Variants in SORL1 observed in about 807,000 individuals in gnomAD.
SORL1 encodes sortilin-related receptor.
SORL1 carries 127 observed loss-of-function variants against 273.7 expected under a neutral mutation model. The ratio of observed to expected loss-of-function variants is 0.46; its 90% CI spans 0.40 to 0.54. The LOEUF (loss-of-function observed/expected upper bound fraction) is 0.54. Ranked by LOEUF, SORL1 falls within the 20% of genes least tolerant of loss-of-function variation. The pLI is 0.00. For missense variants in SORL1, 2,494 were observed against 2,846.1 expected, an observed-to-expected ratio of 0.88 and a Z score of 2.81; for synonymous variants, 1,031 against 1,067.4, an observed-to-expected ratio of 0.97 and a Z score of 0.66.
chr11:121,527,063 A>G (rs1862133945), intron 11 of SORL1, among the ~76,000 whole-genome samples: 1 of 152,038 alleles, frequency 6.6e-6, no homozygotes, highest in African/African-American at 2.4e-5. Flanking sequence ...GAATAGAAGT[A>G]GTGAAAGTGG....
chr11:121,507,410 A>T (rs1591304765), intron 6 of SORL1, among the ~76,000 whole-genome samples: 1 of 152,122 alleles, frequency 6.6e-6, no homozygotes, highest in Non-Finnish European at 1.5e-5. Context: ...TGTGTATGTC[A>T]GGACACTTGA....
chr11:121,493,993 C>T (rs1337071276), intron 5 of SORL1, among the ~76,000 whole-genome samples: 2 of 152,074 alleles, frequency 1.3e-5, no homozygotes, highest in African/African-American at 4.8e-5. Context: ...AAATTATAAC[C>T]ACAGTCTCAT....
intron 28 of SORL1, 32 bp from the exon 29 acceptor site, chr11:121,589,227 C>T (rs1314057936): frequency 6.2e-7 from 1 of 1,610,710 alleles, no homozygotes; most frequent in Non-Finnish European, 8.5e-7. Flanking sequence ...ATGGAAGTTC[C>T]TGGACTTCAT....
chr11:121,558,608 A>T lies in SORL1; in HGVS notation c.2681A>T (p.Asp894Val), dbSNP rs767024820. Residue 894 changes from aspartate (D) to valine (V), a missense_variant, in exon 20 of 48, where the codon GAC becomes GTC. Asp to Val is a radical substitution (Grantham distance 152). Transcript: ENST00000260197. ...VPQEGVMFWT[D>V]WGDLKPGIYR... ...TTCGCTAGGGTGATGTTCTGGACAGACTGGGGAGACCTGAAGCCTGGGATT... is the reference window on the plus strand; with the variant it reads ...TTCGCTAGGGTGATGTTCTGGACAGTCTGGGGAGACCTGAAGCCTGGGATT... 6.2e-7 allele frequency: 1 copy of T among 1,614,088 alleles called. No individual in the cohort carries two copies. The highest frequency in any genetic ancestry group is 8.5e-7 in the Non-Finnish European group (1 of 1,180,006).
intron 5 of SORL1, among the ~76,000 whole-genome samples, chr11:121,495,905 T>C (rs1861622278): frequency 6.6e-6 from 1 of 152,232 alleles, no homozygotes. Flanking sequence ...CCGAGGCATC[T>C]ATACTGTGTC....
intron 11 of SORL1, 123 bp downstream of exon 11, chr11:121,523,112 T>C (rs1293246489): frequency 1.4e-6 from 1 of 696,514 alleles, no homozygotes; most frequent in Non-Finnish European, 2.6e-6. Flanking sequence ...ATGCCAGATA[T>C]GACTATAAAG....
intron 1 of SORL1, among the ~76,000 whole-genome samples, chr11:121,463,920 T>A (rs552751525): frequency 6.6e-6 from 1 of 152,194 alleles, no homozygotes; most frequent in East Asian, 1.9e-4. Context: ...AAGGGATGGT[T>A]TGGGAAAACC....
At chr11:121,592,172 C>T (rs549347554) in intron 31 of SORL1, among the ~76,000 whole-genome samples, 2 of 152,192 alleles carry the variant, frequency 1.3e-5, no homozygotes, top group Non-Finnish European at 2.9e-5. Context: ...AGGTTTTGCC[C>T]TCAGCAGGAA....
intron 1 of SORL1, among the ~76,000 whole-genome samples, chr11:121,461,864 AT>A (rs1861005861): frequency 6.6e-6 from 1 of 152,188 alleles, no homozygotes; most frequent in African/African-American, 2.4e-5. Context: ...GGAATGGCTT[AT>A]TTTGGTTGAG....
chr11:121,544,359 T>A (rs1047674849), intron 13 of SORL1, among the ~76,000 whole-genome samples: 1 of 152,156 alleles, frequency 6.6e-6, no homozygotes, highest in African/African-American at 2.4e-5. Context: ...GTGGCTGATA[T>A]CCCAACCAGA....
At chr11:121,460,296 G>T (rs186965031) in intron 1 of SORL1, among the ~76,000 whole-genome samples, 7 of 152,204 alleles carry the variant, frequency 4.6e-5, no homozygotes, top group Non-Finnish European at 2.9e-5. Context: ...TGAATCAATG[G>T]GTGGGCCCTC....
chr11:121,533,501 A>C lies in SORL1; in HGVS notation c.1685+949A>C, dbSNP rs542421609. Among the ~76,000 whole-genome samples the C allele has an allele frequency of 2.0e-5, 3 of 152,270 alleles. No homozygotes were observed. The East Asian group carries it at 5.8e-4, about 29-fold the overall frequency. ...TTTTATCAGAACCAGTCCTCTGATT[A>C]CCTTTGGCTCGTTTCTGAATGGTTC... On this transcript the variant is annotated intron_variant, in intron 12 of 47. Coordinates refer to ENST00000260197, the MANE Select transcript of SORL1 (RefSeq NM_003105.6).
intron 38 of SORL1, chr11:121,609,807 A>G (rs908982566): frequency 2.0e-5 from 3 of 152,234 alleles, no homozygotes; most frequent in Non-Finnish European, 2.9e-5. Flanking sequence ...TACACTAAGC[A>G]CCATGCTATT....
intron 6 of SORL1, among the ~76,000 whole-genome samples, chr11:121,507,813 A>G (rs1861810731): frequency 6.6e-6 from 1 of 151,634 alleles, no homozygotes; most frequent in South Asian, 2.1e-4. Flanking sequence ...TTGTTTGTGT[A>G]TAGGCTATAC....
intron 46 of SORL1, chr11:121,626,447 GC>G (rs1863795511): frequency 8.3e-6 from 1 of 119,936 alleles, no homozygotes; most frequent in African/African-American, 4.0e-5. Context: ...ATAAGATGTT[GC>G]TAGAGTTTTT....
chr11:121,465,935 G>C lies in SORL1; in HGVS notation c.286-4072G>C, dbSNP rs1217006733. Among the ~76,000 whole-genome samples the C allele has an allele frequency of 4.9e-4, 74 of 152,200 alleles. 1 individual carries two copies. Among genetic ancestry groups the C allele is most frequent in the Non-Finnish European group, 2.9e-5 (2 of 68,032 alleles). On this transcript the variant is annotated intron_variant, in intron 1 of 47. Transcript: ENST00000260197. ...GTGATTCTGACCTTCAGTGGGGCAT[G>C]GGACCCCCCTAGGCCAGGTGATCTT...
chr11:121,531,833 G>A (rs1316334901), intron 11 of SORL1, among the ~76,000 whole-genome samples: 1 of 152,154 alleles, frequency 6.6e-6, no homozygotes, highest in Non-Finnish European at 1.5e-5. Context: ...CTACCCTATA[G>A]GGGCTCCTTT....
rs750966785 is a variant in SORL1, at chr11:121,527,717, C to T, written c.1596+4728C>T. Reference sequence around the variant, plus strand: ...TTCAATTTTGATGAGTTGTGTGTTTCAAGAAATTTGTCCCTTCATGTAAGT... The same window carrying T: ...TTCAATTTTGATGAGTTGTGTGTTTTAAGAAATTTGTCCCTTCATGTAAGT... On this transcript the variant is annotated intron_variant, in intron 11 of 47. Transcript: ENST00000260197. 1.6e-4 allele frequency among the ~76,000 whole-genome samples: 24 copies of T among 152,084 alleles called. 1 individual carries two copies. The highest frequency in any genetic ancestry group is 5.8e-4 in the African/African-American group (24 of 41,424).
chr11:121,469,138 G>A (rs1861133268), intron 1 of SORL1, among the ~76,000 whole-genome samples: 1 of 152,178 alleles, frequency 6.6e-6, no homozygotes, highest in Non-Finnish European at 1.5e-5. Context: ...CTCCTCTGGG[G>A]CTTTGGAGTC....
Sources: gnomAD v4.1 joint callset for allele counts (sites outside exome capture counted in the v4.1 genomes callset) on GRCh38, gnomAD v4.1.1 for gene constraint, MANE v1.5 for transcripts, NCBI Gene and HGNC (gene_info 2026-07-23, HGNC 2026-07-21) for gene names.